P3H1: variants seen among roughly 807,000 people sequenced by gnomAD.
The protein encoded by P3H1 is prolyl 3-hydroxylase 1, also known as growth suppressor 1.
Under a neutral mutation model 84.0 loss-of-function variants are expected in P3H1, and 69 were observed. That is an observed-to-expected ratio of 0.82 (90% CI 0.68 to 1.00). The LOEUF (loss-of-function observed/expected upper bound fraction) is 1.00, where lower values mean the gene tolerates loss of function less well. Ranked by LOEUF, P3H1 falls within the 50% of genes least tolerant of loss-of-function variation. P3H1 has a pLI of 0.00. For synonymous variants in P3H1, 366 were observed against 388.8 expected (o/e 0.94, Z 0.69); for missense variants, 878 against 962.8 (o/e 0.91, Z 1.17).
intron 11 of P3H1, chr1:42,749,933 A>G: frequency 1.9e-6 from 1 of 523,830 alleles, no homozygotes; most frequent in Non-Finnish European, 3.5e-6. Context: ...TTGTGTGACA[A>G]GTGACGGGTG....
At chr1:42,747,691 T>C in intron 13 of P3H1, 32 bp downstream of exon 13, 1 of 1,610,214 alleles carries the variant, frequency 6.2e-7, no homozygotes, top group South Asian at 1.1e-5. Context: ...AGACTTTTTA[T>C]CTCCCAGGGA....
At chr1:42,759,498 G>C (rs1212418030) in intron 2 of P3H1, 108 bp from the exon 3 acceptor site, 1 of 918,652 alleles carries the variant, frequency 1.1e-6, no homozygotes, top group Non-Finnish European at 1.7e-6. Flanking sequence ...TCAGGTTATG[G>C]ATGGAAAGGG....
chr1:42,747,553 G>C, intron 13 of P3H1, 141 bp from the exon 14 acceptor site: 4 of 1,115,136 alleles, frequency 3.6e-6, no homozygotes, highest in Non-Finnish European at 5.5e-6. Context: ...AAAGAGAAAG[G>C]GTGACTGGTT....
intron 10 of P3H1, 103 bp downstream of exon 10, chr1:42,752,171 T>G: frequency 1.1e-6 from 1 of 951,818 alleles, no homozygotes; most frequent in Non-Finnish European, 1.7e-6. Flanking sequence ...AGGTGGACCC[T>G]CTTCACCTTT....
Position 42,752,327 on chromosome 1 carries a change from G to A in P3H1, c.1516C>T (p.Pro506Ser). The change falls in exon 10 of 15, where the codon CCA becomes TCA. Residue 506 changes from proline (P) to serine (S), a missense_variant. Physicochemically the swap from Pro to Ser is moderately conservative, Grantham distance 74. Coordinates refer to ENST00000296388, the MANE Select transcript of P3H1 (RefSeq NM_022356.4). ...TAGAACTTTTCATTGGGAGTATGTG[G>A]GGAGGTCTGACCCCGGTAGCCATCT... ...SGDGYRGQTS[P>S]HTPNEKFYGV... The A allele has an allele frequency of 1.2e-6, 2 of 1,614,162 alleles. No individual in the cohort carries two copies. The highest frequency in any genetic ancestry group is 8.5e-7 in the Non-Finnish European group (1 of 1,180,026).
At chr1:42,764,142 G>C (rs1399667881) in intron 1 of P3H1, among the ~76,000 whole-genome samples, 1 of 151,832 alleles carries the variant, frequency 6.6e-6, no homozygotes, top group Non-Finnish European at 1.5e-5. Context: ...AAAGAAAAGA[G>C]GGCTGGGTGC....
chr1:42,764,044 C>T (rs1020768547), intron 1 of P3H1, among the ~76,000 whole-genome samples: 19 of 152,070 alleles, frequency 1.2e-4, no homozygotes, highest in East Asian at 1.9e-4. Flanking sequence ...GCAGGAGAAT[C>T]GCTTGAACCC....
rs746650866 is a variant in P3H1, at chr1:42,752,373, C to T, written c.1474-4G>A. On this transcript the variant is annotated splice_polypyrimidine_tract_variant and splice_region_variant and intron_variant, in intron 9 of 14. Transcript: ENST00000296388. ...CATCTCCTGAGGTTGCTGCCACCTA[C>T]AAGGCCCAAAACACAAGGTGATGTT... The T allele has an allele frequency of 4.3e-6, 7 of 1,613,944 alleles. No individual in the cohort carries two copies. The South Asian group carries it at 6.6e-5, about 15-fold the overall frequency.
In P3H1 at chr1:42,746,578, C is replaced by T. The variant is rs1421878112; in HGVS notation, c.*119G>A. The T allele has an allele frequency of 1.2e-6, 1 of 813,220 alleles. No homozygotes were observed. The highest frequency in any genetic ancestry group is 1.7e-5 in the African/African-American group (1 of 58,828). 50.4% of individuals were successfully genotyped at this position (813,220 alleles called of 1,614,324 possible). ...TGTAGAAGGCTGTGAGCAGGGTCCC[C>T]TCGGCTGAGTGGCAGATGTAGGCTC... is the stretch of plus-strand genomic sequence containing the variant. On this transcript the variant is annotated 3_prime_UTR_variant, in exon 15 of 15. Coordinates refer to ENST00000296388, the MANE Select transcript of P3H1 (RefSeq NM_022356.4).
In P3H1 at chr1:42,754,589, G is replaced by A. The variant is rs1047746410; in HGVS notation, c.1345+280C>T. On this transcript the variant is annotated intron_variant, in intron 8 of 14. Coordinates refer to ENST00000296388, the MANE Select transcript of P3H1 (RefSeq NM_022356.4). The surrounding 1 kb of genome is among the most constrained non-coding windows in gnomAD (Gnocchi z 4.0). ...GCTGGATTCAAACTCCTGGGCTCAAGCGATCCTCCTGCCTCAGCCTGCCAA... is the reference window on the plus strand; with the variant it reads ...GCTGGATTCAAACTCCTGGGCTCAAACGATCCTCCTGCCTCAGCCTGCCAA... Among the ~76,000 whole-genome samples, 1 of 152,088 alleles carries A rather than the reference G, an allele frequency of 6.6e-6. No individual in the cohort carries two copies. Among genetic ancestry groups the A allele is most frequent in the African/African-American group, 2.4e-5 (1 of 41,402 alleles).
At chr1:42,759,605 T>C (rs528993114) in intron 2 of P3H1, among the ~76,000 whole-genome samples, 3 of 152,286 alleles carry the variant, frequency 2.0e-5, no homozygotes, top group African/African-American at 7.2e-5. Flanking sequence ...TCTTTTTTTC[T>C]TTTTTTGAGA....
At chr1:42,751,046 C>T (rs1157679754) in intron 10 of P3H1, among the ~76,000 whole-genome samples, 5 of 118,740 alleles carry the variant, frequency 4.2e-5, no homozygotes, top group African/African-American at 1.6e-4. Flanking sequence ...CTCTGCCCAG[C>T]CACGACCCCG....
intron 14 of P3H1, 154 bp downstream of exon 14, chr1:42,747,118 A>AT (rs1167256595): frequency 6.2e-7 from 1 of 1,614,216 alleles, no homozygotes. Context: ...CAATGTGACC[A>AT]TAATGACAGG....
chr1:42,766,883 C>T lies in P3H1; in HGVS notation c.89G>A (p.Trp30Ter), dbSNP rs1355114983. 1.2e-6 allele frequency: 2 copies of T among 1,608,438 alleles called. No homozygotes were observed. Among genetic ancestry groups the T allele is most frequent in the Non-Finnish European group, 1.7e-6 (2 of 1,179,818 alleles). The change falls in exon 1 of 15, where the codon TGG (tryptophan) becomes TAG (stop). Residue 30 changes from tryptophan (W) to a stop codon, truncating the protein, a stop_gained. Transcript: ENST00000296388. LOFTEE classifies it high-confidence loss of function. ...GAGCAGATCAGGCGTCACCATGCCC[C>T]ATCCTGCCTCGGACTCGACCTCGGC... The part of the protein sequence containing the change: ...SQAEVESEAG[W>*]GMVTPDLLFA...
chr1:42,747,554 G>T, intron 13 of P3H1, 142 bp from the exon 14 acceptor site: 1 of 1,115,850 alleles, frequency 9.0e-7, no homozygotes, highest in Admixed American at 1.7e-5. Context: ...AAGAGAAAGG[G>T]TGACTGGTTA....
At chr1:42,764,830 A>G (rs1032955685) in intron 1 of P3H1, among the ~76,000 whole-genome samples, 3 of 152,122 alleles carry the variant, frequency 2.0e-5, no homozygotes, top group African/African-American at 7.2e-5. Context: ...AAATTTTTTC[A>G]GGTCTGTCCC....
chr1:42,755,978 T>C (rs1169839439), intron 5 of P3H1, among the ~76,000 whole-genome samples: 2 of 152,200 alleles, frequency 1.3e-5, no homozygotes, highest in Admixed American at 1.3e-4. Context: ...GAATTCCTTC[T>C]TGACTTCTAC....
At chr1:42,758,479 T>A (rs1172503628) in intron 4 of P3H1, among the ~76,000 whole-genome samples, 1 of 152,218 alleles carries the variant, frequency 6.6e-6, no homozygotes, top group African/African-American at 2.4e-5. Context: ...TGGGTATTAA[T>A]TGGCAGCCCC....
intron 10 of P3H1, among the ~76,000 whole-genome samples, chr1:42,750,807 G>A (rs1189714675): frequency 2.7e-5 from 4 of 148,886 alleles, no homozygotes; most frequent in South Asian, 2.1e-4. Flanking sequence ...CGCCCCGTCC[G>A]GGAGGGAGGT....
Sources: allele counts gnomAD v4.1 joint callset (sites outside exome capture counted in the v4.1 genomes callset), GRCh38; gene constraint gnomAD v4.1.1; non-coding constraint Gnocchi (gnomAD v3.1); transcripts MANE v1.5; gene names NCBI Gene and HGNC (gene_info 2026-07-23, HGNC 2026-07-21).